The following PCDHGA8 variants were observed in gnomAD, a reference collection of about 807,000 sequenced individuals.
PCDHGA8 encodes the protein protocadherin gamma subfamily A, 8.
A neutral mutation model predicts 59.2 loss-of-function variants in PCDHGA8; 45 were observed. The ratio of observed to expected loss-of-function variants is 0.76; its 90% CI spans 0.60 to 0.98. The LOEUF (loss-of-function observed/expected upper bound fraction) is 0.98. Ranked by LOEUF, PCDHGA8 falls within the 50% of genes least tolerant of loss-of-function variation. PCDHGA8 has a pLI of 0.00. For missense variants in PCDHGA8, 1,257 were observed against 1,196.2 expected (o/e 1.05, Z -0.75); for synonymous variants, 531 against 519.0 (o/e 1.02, Z -0.32).
At chr5:141,405,881 T>C (rs998587989) in intron 1 of PCDHGA8, among the ~76,000 whole-genome samples, 4 of 152,210 alleles carry the variant, frequency 2.6e-5, no homozygotes, top group Admixed American at 2.6e-4. Flanking sequence ...GGCCTAATTG[T>C]TGCTCCAACA....
At chr5:141,421,474 G>A (rs1320526226) in intron 1 of PCDHGA8, 2 of 1,614,014 alleles carry the variant, frequency 1.2e-6, no homozygotes, top group Non-Finnish European at 1.7e-6. Flanking sequence ...TCCGCGAAGC[G>A]GCAGCTTGAT....
intron 1 of PCDHGA8, among the ~76,000 whole-genome samples, chr5:141,449,543 C>T (rs377524476): frequency 2.7e-5 from 4 of 147,148 alleles, no homozygotes; most frequent in Non-Finnish European, 4.5e-5. Context: ...GAGCCGAGAT[C>T]GCACCACTGC....
intron 1 of PCDHGA8, chr5:141,424,024 C>T: frequency 9.6e-7 from 1 of 1,045,488 alleles, no homozygotes; most frequent in Non-Finnish European, 1.2e-6. Flanking sequence ...GATTCACAAA[C>T]ACTTTTTATT....
chr5:141,456,536 G>A (rs1231730255), intron 1 of PCDHGA8, among the ~76,000 whole-genome samples: 1 of 152,158 alleles, frequency 6.6e-6, no homozygotes, highest in Non-Finnish European at 1.5e-5. Flanking sequence ...AATTAAAGAG[G>A]GATTGTAGCC....
intron 1 of PCDHGA8, among the ~76,000 whole-genome samples, chr5:141,481,668 A>G (rs1051166504): frequency 6.6e-6 from 1 of 152,090 alleles, no homozygotes; most frequent in Admixed American, 6.6e-5. Flanking sequence ...TAATACAAAA[A>G]TCAGGCCGGG....
At chr5:141,423,397 C>T (rs759822483) in intron 1 of PCDHGA8, 3 of 1,614,146 alleles carry the variant, frequency 1.9e-6, no homozygotes, top group East Asian at 2.2e-5. Context: ...GCATAAGTCA[C>T]GCCTGCTGCA....
At chr5:141,417,882 G>A (rs1170069976) in intron 1 of PCDHGA8, 8 of 1,560,746 alleles carry the variant, frequency 5.1e-6, no homozygotes, top group African/African-American at 1.4e-5. Flanking sequence ...TGCGCGCAGA[G>A]GCGCCGGGCC....
rs767983504 is a variant in PCDHGA8, at chr5:141,393,225, C to T, written c.412C>T (p.Leu138=). Residue 138 remains leucine, a synonymous_variant, in exon 1 of 4, where the codon CTA becomes TTA. Coordinates refer to ENST00000398604, the MANE Select transcript of PCDHGA8 (RefSeq NM_032088.2). ...TAACCCAAAATTCCAGGTCGAAGATCTAGAAGTAAAAATTAACGAAATCGC... is the reference window on the plus strand; with the variant it reads ...TAACCCAAAATTCCAGGTCGAAGATTTAGAAGTAAAAATTAACGAAATCGC... ...DNNPKFQVED[L]EVKINEIAVP... 7 of 1,613,552 alleles carry T rather than the reference C, an allele frequency of 4.3e-6. No individual in the cohort carries two copies. The South Asian group carries it at 5.5e-5, about 13-fold the overall frequency.
rs2094321391 is a variant in PCDHGA8, at chr5:141,402,912, G to GCTTCATCA, written c.2424+7676_2424+7677insTTCATCAC. ...AAGAAAGAACCTGATGAAGCAGCGCGCACAGAGATCCTTTTGAGAAAATTC... is the reference window on the plus strand; with the variant it reads ...AAGAAAGAACCTGATGAAGCAGCGCGCTTCATCACACAGAGATCCTTTTGAGAAAATTC... On this transcript the variant is annotated intron_variant, in intron 1 of 3. Coordinates refer to ENST00000398604, the MANE Select transcript of PCDHGA8 (RefSeq NM_032088.2). 6 of 1,553,880 alleles carry GCTTCATCA rather than the reference G, an allele frequency of 3.9e-6. No individual in the cohort carries two copies. In the African/African-American group the frequency reaches 8.2e-5, roughly 21 times the overall value.
At position 141,432,119 on chromosome 5, in the gene PCDHGA8, C is replaced by T. The variant is rs1273427353; in HGVS notation, c.2424+36882C>T. On this transcript the variant is annotated intron_variant, in intron 1 of 3. Transcript: ENST00000398604. The surrounding 1 kb of genome is among the most constrained non-coding windows in gnomAD (Gnocchi z 6.0). ...CAACGACAACCCGCCGGTCTTCCCT[C>T]AGGCCTCCTATTCCGCTTATATCCC... is the stretch of plus-strand genomic sequence containing the variant. 7 of 1,614,184 alleles carry T rather than the reference C, an allele frequency of 4.3e-6. No homozygotes were observed. Among genetic ancestry groups the T allele is most frequent in the Non-Finnish European group, 5.9e-6 (7 of 1,180,032 alleles).
rs1437533706 is a variant in PCDHGA8, at chr5:141,511,419, G to C, written c.*246G>C. On this transcript the variant is annotated 3_prime_UTR_variant, in exon 4 of 4. Transcript: ENST00000398604. ...ATCCAATCAACTGCTGTACCCATGG[G>C]GGTAGTGGGGTTACTGTAGACACCA... The C allele has an allele frequency of 2.4e-6, 2 of 830,456 alleles. No individual in the cohort carries two copies. The highest frequency in any genetic ancestry group is 5.8e-5 in the East Asian group (2 of 34,260). 51.4% of individuals were successfully genotyped at this position (830,456 alleles called of 1,614,324 possible).
intron 1 of PCDHGA8, among the ~76,000 whole-genome samples, chr5:141,438,626 A>G (rs1309857700): frequency 2.3e-5 from 1 of 43,566 alleles, no homozygotes; most frequent in Non-Finnish European, 3.7e-5. Flanking sequence ...ATATATATAT[A>G]TATATATATA....
rs980151183 is a variant in PCDHGA8 at position 141,393,065 on chromosome 5, G to C, written c.252G>C (p.Leu84Phe). Residue 84 changes from leucine to phenylalanine, a missense_variant, in exon 1 of 4, where the codon TTG (leucine) becomes TTC (phenylalanine). Physicochemically the swap from Leu to Phe is conservative, Grantham distance 22. Coordinates refer to ENST00000398604, the MANE Select transcript of PCDHGA8 (RefSeq NM_032088.2). ...CTCTGAACCCGCGCAGCGGCAGCTTGATCACCGCGGGCAGGATAGATCGGG... is the reference window on the plus strand; with the variant it reads ...CTCTGAACCCGCGCAGCGGCAGCTTCATCACCGCGGGCAGGATAGATCGGG... ...LFALNPRSGS[L>F]ITAGRIDREE... 6.2e-7 allele frequency: 1 copy of C among 1,613,646 alleles called. No individual in the cohort carries two copies. Among genetic ancestry groups the C allele is most frequent in the African/African-American group, 1.3e-5 (1 of 75,052 alleles).
chr5:141,446,594 A>G (rs571957656), intron 1 of PCDHGA8, among the ~76,000 whole-genome samples: 8 of 152,136 alleles, frequency 5.3e-5, no homozygotes, highest in African/African-American at 1.9e-4. Flanking sequence ...CTTCTGCCTC[A>G]GCCTCCTGAG....
chr5:141,399,603 A>G, intron 1 of PCDHGA8: 1 of 1,613,950 alleles, frequency 6.2e-7, no homozygotes, highest in Non-Finnish European at 8.5e-7. Flanking sequence ...CCAGCGACCT[A>G]GAGCCTCTGG....
chr5:141,455,377 CAGAA>C (rs2098820699), intron 1 of PCDHGA8, among the ~76,000 whole-genome samples: 1 of 151,970 alleles, frequency 6.6e-6, no homozygotes, highest in Admixed American at 6.6e-5. Flanking sequence ...AGGGAGAAGA[CAGAA>C]GGAAGGAGCT....
chr5:141,458,054 T>G (rs2098935656), intron 1 of PCDHGA8, among the ~76,000 whole-genome samples: 1 of 152,252 alleles, frequency 6.6e-6, no homozygotes, highest in Admixed American at 6.5e-5. Context: ...GGATTCTTGC[T>G]GCACTGATGC....
rs777100284 is a variant in PCDHGA8, at chr5:141,393,405, C to T, written c.592C>T (p.Arg198Cys). Reference sequence around the variant, plus strand: ...CATAAACCCAGAGCTGGTGCTGGAGCGCGCCCTGGACAGGGAGGAAGAGGC... The same window carrying T: ...CATAAACCCAGAGCTGGTGCTGGAGTGCGCCCTGGACAGGGAGGAAGAGGC... ...GAINPELVLERALDREEEAAH... is the reference protein window; with the variant it reads ...GAINPELVLECALDREEEAAH... The change falls in exon 1 of 4, where the codon CGC (arginine) becomes TGC (cysteine). Residue 198 changes from arginine (R) to cysteine (C), a missense_variant. Physicochemically the swap from Arg to Cys is radical, Grantham distance 180. Coordinates refer to ENST00000398604, the MANE Select transcript of PCDHGA8 (RefSeq NM_032088.2). 1.2e-6 allele frequency: 2 copies of T among 1,614,032 alleles called. No individual in the cohort carries two copies. Among genetic ancestry groups the T allele is most frequent in the Non-Finnish European group, 1.7e-6 (2 of 1,179,902 alleles).
At chr5:141,414,406 C>T (rs1315007586) in intron 1 of PCDHGA8, 6 of 1,613,764 alleles carry the variant, frequency 3.7e-6, no homozygotes, top group African/African-American at 2.7e-5. Flanking sequence ...ATTGGTGATA[C>T]ACAGAGCCCT....
Sources: allele counts gnomAD v4.1 joint callset (sites outside exome capture counted in the v4.1 genomes callset), GRCh38; gene constraint gnomAD v4.1.1; non-coding constraint Gnocchi (gnomAD v3.1); transcripts MANE v1.5; gene names NCBI Gene and HGNC (gene_info 2026-07-23, HGNC 2026-07-21).